WWOX: variants seen among roughly 807,000 people sequenced by gnomAD.
WWOX encodes WW domain-containing oxidoreductase.
Under a neutral mutation model 46.2 loss-of-function variants are expected in WWOX, and 69 were observed. The ratio of observed to expected loss-of-function variants is 1.49; its 90% CI spans 1.23 to 1.82. WWOX has a LOEUF of 1.82. Ranked by LOEUF, WWOX falls within the 40% of genes most tolerant of loss-of-function variation. The probability of loss-of-function intolerance (pLI) is 0.00; values close to 1 mark genes in which losing one functional copy is unlikely to be tolerated. For synonymous variants in WWOX, 359 were observed against 202.6 expected (o/e 1.77, Z -6.56); for missense variants, 919 against 542.6 (o/e 1.69, Z -6.89).
intron 8 of WWOX, among the ~76,000 whole-genome samples, chr16:78,449,060 T>C (rs1013345794): frequency 2.6e-5 from 4 of 152,126 alleles, no homozygotes; most frequent in African/African-American, 7.2e-5. Flanking sequence ...GTAGGCATTA[T>C]ACCAGGTAAC....
intron 8 of WWOX, among the ~76,000 whole-genome samples, chr16:78,933,351 A>G (rs568516231): frequency 8.2e-4 from 125 of 152,306 alleles, no homozygotes; most frequent in South Asian, 1.9e-3. Context: ...AGGCAGGAGA[A>G]CTGCTCGAAC....
chr16:79,009,840 G>A (rs1230047170), intron 8 of WWOX, among the ~76,000 whole-genome samples: 1 of 152,116 alleles, frequency 6.6e-6, no homozygotes, highest in African/African-American at 2.4e-5. Flanking sequence ...ACCTATCATG[G>A]GGGCTTCGAC....
rs181836746 is a variant in WWOX, at chr16:78,189,977, A to T, written c.516+25688A>T. ...GCTCAAATCCTTCTTACTTTTCCTCAAGAACTCACTTCCCACCCAAACCTT... is the reference window on the plus strand; with the variant it reads ...GCTCAAATCCTTCTTACTTTTCCTCTAGAACTCACTTCCCACCCAAACCTT... On this transcript the variant is annotated intron_variant, in intron 5 of 8. Coordinates refer to ENST00000566780, the MANE Select transcript of WWOX (RefSeq NM_016373.4). Among the ~76,000 whole-genome samples the T allele has an allele frequency of 9.9e-5, 15 of 152,114 alleles. No homozygotes were observed. In the East Asian group the frequency reaches 2.9e-3, roughly 29 times the overall value.
chr16:78,882,658 T>C (rs938428827), intron 8 of WWOX, among the ~76,000 whole-genome samples: 4 of 152,058 alleles, frequency 2.6e-5, no homozygotes, highest in African/African-American at 4.8e-5. Context: ...CAGCTAACTT[T>C]TGTATTTTTA....
chr16:78,622,181 C>T (rs899408729), intron 8 of WWOX, among the ~76,000 whole-genome samples: 2 of 152,086 alleles, frequency 1.3e-5, no homozygotes, highest in African/African-American at 4.8e-5. Context: ...TTTTTCTCTC[C>T]ATTCTTCTCT....
chr16:78,120,938 A>C (rs1481223113), intron 4 of WWOX, among the ~76,000 whole-genome samples: 1 of 150,952 alleles, frequency 6.6e-6, no homozygotes, highest in Non-Finnish European at 1.5e-5. Flanking sequence ...CCATACCTAA[A>C]TGTTACTAAA....
In WWOX at chr16:79,145,088, G is replaced by T. The variant is rs1175447002; in HGVS notation, c.1057-66520G>T. Among the ~76,000 whole-genome samples, 5 of 152,158 alleles carry T rather than the reference G, an allele frequency of 3.3e-5. No homozygotes were observed. In the East Asian group the frequency reaches 7.7e-4, roughly 23 times the overall value. On this transcript the variant is annotated intron_variant, in intron 8 of 8. Transcript: ENST00000566780. ...TTGGATTTTGTTGAATGGTGCCACT[G>T]ATTATGGGTCAGAGCTTGTTGAAAG... is the stretch of plus-strand genomic sequence containing the variant.
chr16:78,953,759 A>C (rs576117513), intron 8 of WWOX, among the ~76,000 whole-genome samples: 1 of 152,282 alleles, frequency 6.6e-6, no homozygotes, highest in East Asian at 1.9e-4. Flanking sequence ...CCTGGTTTCA[A>C]AGTCGAGCCA....
chr16:78,222,663 G>C (rs1426205399), intron 5 of WWOX, among the ~76,000 whole-genome samples: 1 of 152,160 alleles, frequency 6.6e-6, no homozygotes, highest in African/African-American at 2.4e-5. Context: ...TGGCGAGGCT[G>C]GCCCATTGTT....
intron 8 of WWOX, among the ~76,000 whole-genome samples, chr16:78,654,576 C>G (rs1024666800): frequency 1.3e-5 from 2 of 151,894 alleles, no homozygotes; most frequent in East Asian, 3.9e-4. Flanking sequence ...CTGATTTCTC[C>G]GTGATATAAA....
chr16:78,825,159 G>C (rs1464935427), intron 8 of WWOX: 1 of 155,090 alleles, frequency 6.4e-6, no homozygotes, highest in African/African-American at 2.4e-5. Flanking sequence ...CAAGTGGCAG[G>C]GCTGACTCCC....
rs149824064 is a variant in WWOX at position 78,859,890 on chromosome 16, C to T, written c.1057-351718C>T. 2.5e-3 allele frequency among the ~76,000 whole-genome samples: 374 copies of T among 152,054 alleles called. 1 individual carries two copies. The highest frequency in any genetic ancestry group is 4.0e-3 in the Admixed American group (61 of 15,278). The stretch of plus-strand genomic sequence containing the variant: ...TCTCCTATTTTCACTTACTTATAAA[C>T]AGGTGGTTTCCAAGTAGACATATTT... On this transcript the variant is annotated intron_variant, in intron 8 of 8. Coordinates refer to ENST00000566780, the MANE Select transcript of WWOX (RefSeq NM_016373.4).
At chr16:78,606,234 G>A (rs1046433577) in intron 8 of WWOX, among the ~76,000 whole-genome samples, 1 of 151,982 alleles carries the variant, frequency 6.6e-6, no homozygotes, top group African/African-American at 2.4e-5. Context: ...ACAAAAACTG[G>A]CTCTCTTTGT....
chr16:78,727,115 CCAGTGGGGCA>C (rs2048853924), intron 8 of WWOX, among the ~76,000 whole-genome samples: 1 of 152,114 alleles, frequency 6.6e-6, no homozygotes, highest in East Asian at 1.9e-4. Context: ...AAAATGAGGC[CCAGTGGGGCA>C]CAGTGGCTCA....
At chr16:79,038,114 C>G (rs970229282) in intron 8 of WWOX, among the ~76,000 whole-genome samples, 1 of 152,252 alleles carries the variant, frequency 6.6e-6, no homozygotes, top group East Asian at 1.9e-4. Flanking sequence ...AGTGCAGGAT[C>G]CAGTTCAAAA....
chr16:79,152,629 C>G (rs1223787618), intron 8 of WWOX, among the ~76,000 whole-genome samples: 1 of 151,618 alleles, frequency 6.6e-6, no homozygotes, highest in East Asian at 1.9e-4. Context: ...CGAGATCACG[C>G]CACTGCACTC....
chr16:78,236,833 T>C (rs2037454975), intron 5 of WWOX, among the ~76,000 whole-genome samples: 1 of 152,078 alleles, frequency 6.6e-6, no homozygotes, highest in South Asian at 2.1e-4. Flanking sequence ...TCCCAGCACT[T>C]TGGGAGGCCG....
chr16:78,814,570 G>C (rs1428385451), intron 8 of WWOX, among the ~76,000 whole-genome samples: 1 of 152,090 alleles, frequency 6.6e-6, no homozygotes, highest in South Asian at 2.1e-4. Flanking sequence ...AAAGGCACCT[G>C]TGTACTTTTC....
intron 8 of WWOX, among the ~76,000 whole-genome samples, chr16:78,771,817 G>T (rs1180429048): frequency 6.6e-6 from 1 of 151,446 alleles, no homozygotes; most frequent in African/African-American, 2.4e-5. Flanking sequence ...ATAAATAAGA[G>T]TTGGATCACA....
Sources: gnomAD v4.1 joint callset for allele counts (sites outside exome capture counted in the v4.1 genomes callset) on GRCh38, gnomAD v4.1.1 for gene constraint, MANE v1.5 for transcripts, NCBI Gene and HGNC (gene_info 2026-07-23, HGNC 2026-07-21) for gene names.